DOCK10: variants seen among roughly 807,000 people sequenced by gnomAD.
The protein encoded by DOCK10 is dedicator of cytokinesis protein 10.
Under a neutral mutation model 280.1 loss-of-function variants are expected in DOCK10, and 145 were observed. The observed-to-expected ratio is 0.52, with a 90% confidence interval of 0.45 to 0.59. DOCK10 has a LOEUF of 0.59. Ranked by LOEUF, DOCK10 falls within the 20% of genes least tolerant of loss-of-function variation. The pLI, the probability that DOCK10 is intolerant of heterozygous loss-of-function variation, is 0.00. For missense variants in DOCK10, 2,368 were observed against 2,651.7 expected (o/e 0.89, Z 2.35); for synonymous variants, 915 against 942.2 (o/e 0.97, Z 0.53).
chr2:224,888,238 TG>T (rs564757801), intron 4 of DOCK10, among the ~76,000 whole-genome samples: 455 of 151,860 alleles, frequency 3.0e-3, no homozygotes, highest in African/African-American at 0.011. Context: ...TGTGTGTGTG[TG>T]TGTGTGTGTG....
chr2:224,780,752 T>C (rs1195021902), intron 50 of DOCK10, among the ~76,000 whole-genome samples: 2 of 151,860 alleles, frequency 1.3e-5, no homozygotes, highest in African/African-American at 4.8e-5. Context: ...ATACAAAAAT[T>C]AGCTGGGCAT....
intron 8 of DOCK10, 103 bp from the exon 9 acceptor site, chr2:224,874,854 G>A: frequency 2.0e-6 from 2 of 980,332 alleles, no homozygotes; most frequent in Non-Finnish European, 3.2e-6. Context: ...GAGCTAAGAG[G>A]GACGTTGGTG....
chr2:224,929,222 T>C (rs1251920828), intron 2 of DOCK10, among the ~76,000 whole-genome samples: 1 of 152,234 alleles, frequency 6.6e-6, no homozygotes, highest in African/African-American at 2.4e-5. Context: ...CCTTTTTGTT[T>C]GGAATAAGTA....
chr2:224,987,972 C>T (rs761828795), intron 1 of DOCK10, among the ~76,000 whole-genome samples: 3 of 152,100 alleles, frequency 2.0e-5, no homozygotes, highest in Non-Finnish European at 4.4e-5. Context: ...ATAGTATCTG[C>T]GGTAAAATGG....
At chr2:224,903,630 T>C (rs1700435380) in intron 3 of DOCK10, among the ~76,000 whole-genome samples, 2 of 152,252 alleles carry the variant, frequency 1.3e-5, no homozygotes, top group South Asian at 4.1e-4. Context: ...GGTACTATTA[T>C]GATCCAATCA....
At chr2:224,844,338 C>T (rs2125486930) in intron 22 of DOCK10, among the ~76,000 whole-genome samples, 1 of 152,254 alleles carries the variant, frequency 6.6e-6, no homozygotes, top group Non-Finnish European at 1.5e-5. Flanking sequence ...CCATGTTGGT[C>T]AGGCTGGTCT....
At chr2:224,988,112 G>T (rs1575151293) in intron 1 of DOCK10, among the ~76,000 whole-genome samples, 1 of 152,082 alleles carries the variant, frequency 6.6e-6, no homozygotes, top group Non-Finnish European at 1.5e-5. Context: ...ACAGAGGCTT[G>T]GTCTCTTCCC....
Position 224,787,355 on chromosome 2 carries a change from A to G in DOCK10, c.5461T>C (p.Trp1821Arg). 1 of 1,614,034 alleles carries G rather than the reference A, an allele frequency of 6.2e-7. No individual in the cohort carries two copies. The highest frequency in any genetic ancestry group is 8.5e-7 in the Non-Finnish European group (1 of 1,179,880). The change falls in exon 49 of 56, where the codon TGG becomes CGG. Residue 1821 changes from tryptophan (W) to arginine (R), a missense_variant. Trp to Arg is a moderately radical substitution (Grantham distance 101). Transcript: ENST00000258390. ...ATGAGTTCATATCGCTCAGACTTCC[A>G]GAGAAACTCCACACACATGTATAGC... ...EQLYMCVEFL[W>R]KSERYELIAD...
At chr2:224,931,409 A>G in intron 2 of DOCK10, 140 bp downstream of exon 2, 1 of 933,608 alleles carries the variant, frequency 1.1e-6, no homozygotes, top group Non-Finnish European at 1.5e-6. Context: ...TTTCTATTAT[A>G]GGATGTGAAC....
At chr2:224,892,802 T>A (rs1381319383) in intron 4 of DOCK10, among the ~76,000 whole-genome samples, 2 of 152,210 alleles carry the variant, frequency 1.3e-5, no homozygotes, top group Non-Finnish European at 2.9e-5. Flanking sequence ...TACTGAAGAT[T>A]CTTATTTCCC....
chr2:224,864,958 C>G lies in DOCK10; in HGVS notation c.1387G>C (p.Glu463Gln). Residue 463 changes from glutamate (E) to glutamine (Q), a missense_variant, in exon 12 of 56, where the codon GAA becomes CAA. Glu to Gln is a conservative substitution (Grantham distance 29). This residue lies in a region of DOCK10 where 1,209 missense variants were observed against 1,250.9 expected (regional missense o/e 0.97). Transcript: ENST00000258390. ...GTGATGGTGTCGATGTTGCCATTTT[C>G]CAAAGCCACAGAAGCCCCCAAGAGC... Reference protein sequence around the residue: ...QMLLGASVALENGNIDTITPR... With the variant: ...QMLLGASVALQNGNIDTITPR... The G allele has an allele frequency of 6.2e-7, 1 of 1,613,914 alleles. No individual in the cohort carries two copies. The highest frequency in any genetic ancestry group is 2.2e-5 in the East Asian group (1 of 44,878).
At chr2:224,974,988 T>A (rs1178860114) in intron 1 of DOCK10, among the ~76,000 whole-genome samples, 1 of 151,012 alleles carries the variant, frequency 6.6e-6, no homozygotes, top group Non-Finnish European at 1.5e-5. Context: ...CGATACTTGG[T>A]TTTCCGATTT....
rs1297736885 is a variant in DOCK10, at chr2:224,970,221, C to T, written c.124-38553G>A. On this transcript the variant is annotated intron_variant, in intron 1 of 55. Transcript: ENST00000258390. The surrounding 1 kb of genome is among the most constrained non-coding windows in gnomAD (Gnocchi z 4.6). The stretch of plus-strand genomic sequence containing the variant: ...AGTAATTACTTAAATTTCTATGATG[C>T]AGGTGGGCAGCAGGTATTTTCCTCA... Among the ~76,000 whole-genome samples, 1 of 152,146 alleles carries T rather than the reference C, an allele frequency of 6.6e-6. No individual in the cohort carries two copies. The highest frequency in any genetic ancestry group is 2.4e-5 in the African/African-American group (1 of 41,430).
chr2:224,919,052 C>CTGTGTGGTGTATGTGTGGTG (rs1701525397), intron 2 of DOCK10, among the ~76,000 whole-genome samples: 2 of 116,798 alleles, frequency 1.7e-5, no homozygotes, highest in African/African-American at 6.9e-5. Context: ...TATGTGTGGT[C>CTGTGTGGTGTATGTGTGGTG]TGTGTGGTGT....
chr2:224,943,751 T>C (rs892396670), intron 1 of DOCK10, among the ~76,000 whole-genome samples: 5 of 150,160 alleles, frequency 3.3e-5, no homozygotes, highest in South Asian at 2.1e-4. Flanking sequence ...TTAAGATTTT[T>C]TTTTCTTTTC....
chr2:224,838,449 A>G (rs1403562549), intron 24 of DOCK10, among the ~76,000 whole-genome samples: 1 of 152,210 alleles, frequency 6.6e-6, no homozygotes, highest in East Asian at 1.9e-4. Flanking sequence ...CAGAATTTCA[A>G]CAGATCTATC....
Position 224,804,172 on chromosome 2 carries a change from T to A in DOCK10, c.4208A>T (p.Asn1403Ile), listed in dbSNP as rs1022224788. 1 of 1,612,230 alleles carries A rather than the reference T, an allele frequency of 6.2e-7. No homozygotes were observed. The highest frequency in any genetic ancestry group is 8.5e-7 in the Non-Finnish European group (1 of 1,178,852). The change falls in exon 39 of 56, where the codon AAC (asparagine) becomes ATC (isoleucine). Residue 1403 changes from asparagine to isoleucine, a missense_variant. Physicochemically the swap from Asn to Ile is moderately radical, Grantham distance 149. Around this residue, in one of 2 missense-constraint regions of DOCK10, gnomAD observed 1,159 missense variants for 1,400.8 expected, o/e 0.83. Coordinates refer to ENST00000258390, the MANE Select transcript of DOCK10 (RefSeq NM_014689.3). ...ATTGGATCCTTTGAGAGTTCCATTG[T>A]TCTGGGTGGACTGCACAAATTTAAA... ...AAFKFVQSTQNNGTLKGSNPS... is the reference protein window; with the variant it reads ...AAFKFVQSTQINGTLKGSNPS...
rs779585960 is a variant in DOCK10, at chr2:224,856,972, T to C, written c.1696A>G (p.Lys566Glu). Residue 566 changes from lysine to glutamate, a missense_variant, in exon 15 of 56, where the codon AAG (lysine) becomes GAG (glutamate). Lys to Glu is a moderately conservative substitution (Grantham distance 56, BLOSUM62 1). Coordinates refer to ENST00000258390, the MANE Select transcript of DOCK10 (RefSeq NM_014689.3). ...PFAWAVRSVF[K>E]DNQGNVDRDS... ...CTGTCCACATTTCCCTGGTTGTCCTTAAATACTGATCTAAAAGAAAATATT... is the reference window on the plus strand; with the variant it reads ...CTGTCCACATTTCCCTGGTTGTCCTCAAATACTGATCTAAAAGAAAATATT... 7.5e-6 allele frequency: 12 copies of C among 1,608,102 alleles called. No individual in the cohort carries two copies. The highest frequency in any genetic ancestry group is 1.3e-5 in the African/African-American group (1 of 74,944).
Position 224,814,351 on chromosome 2 carries a change from AG to A in DOCK10, c.3377del (p.Pro1126LeufsTer28). 6.5e-7 allele frequency: 1 copy of A among 1,531,334 alleles called. No individual in the cohort carries two copies. The highest frequency in any genetic ancestry group is 8.8e-7 in the Non-Finnish European group (1 of 1,138,330). The allele number at this position is 1,531,334 out of a possible 1,614,324, so 94.9% of individuals were successfully genotyped here. The part of the protein sequence containing the change: ...RSANIPDPLT[P>X]SESTQELHAS... Reference sequence around the variant, plus strand: ...CATGTAACTCTTGAGTCGATTCTGAAGGTGTCAAAGGATCTGAATTTAATAT... The same window carrying A: ...CATGTAACTCTTGAGTCGATTCTGAAGTGTCAAAGGATCTGAATTTAATAT... On this transcript the variant is annotated frameshift_variant, in exon 31 of 56. Coordinates refer to ENST00000258390, the MANE Select transcript of DOCK10 (RefSeq NM_014689.3). LOFTEE classifies it high-confidence loss of function.
Sources: allele counts gnomAD v4.1 joint callset (sites outside exome capture counted in the v4.1 genomes callset), GRCh38; gene constraint gnomAD v4.1.1; regional missense constraint gnomAD v4.1.1; non-coding constraint Gnocchi (gnomAD v3.1); transcripts MANE v1.5; gene names NCBI Gene and HGNC (gene_info 2026-07-23, HGNC 2026-07-21).